The following DCHS2 variants were observed in gnomAD, a reference collection of about 807,000 sequenced individuals.
The protein encoded by DCHS2 is dachsous cadherin-related 2, also known as protocadherin-23.
Under a neutral mutation model 182.4 loss-of-function variants are expected in DCHS2, and 142 were observed. The observed-to-expected ratio is 0.78, with a 90% CI of 0.68 to 0.89. The LOEUF (loss-of-function observed/expected upper bound fraction) is 0.89. DCHS2 is among the 40% of genes least tolerant of loss of function. The pLI is 0.00. For missense variants in DCHS2, 4,319 were observed against 4,198.6 expected (o/e 1.03, Z -0.79); for synonymous variants, 1,740 against 1,663.3 (o/e 1.05, Z -1.12).
At chr4:154,414,069 T>C (rs879465934) in intron 1 of DCHS2, among the ~76,000 whole-genome samples, 1 of 152,122 alleles carries the variant, frequency 6.6e-6, no homozygotes, top group Non-Finnish European at 1.5e-5. Flanking sequence ...AAATTCCATA[T>C]GGCAGGCCTT....
chr4:154,456,656 T>C (rs188877528), intron 1 of DCHS2, among the ~76,000 whole-genome samples: 1 of 152,262 alleles, frequency 6.6e-6, no homozygotes. Context: ...AGTCATGGTG[T>C]ACTGGAAGGA....
intron 1 of DCHS2, among the ~76,000 whole-genome samples, chr4:154,480,492 A>C (rs892042496): frequency 9.2e-5 from 14 of 152,330 alleles, no homozygotes; most frequent in Admixed American, 5.2e-4. Context: ...TATTCTCATG[A>C]AAGTGAAGCT....
rs752962209 is a variant in DCHS2, at chr4:154,372,329, C to A, written c.2244+4924G>T. On this transcript the variant is annotated intron_variant, in intron 2 of 19. Transcript: ENST00000357232. The stretch of plus-strand genomic sequence containing the variant: ...ATCTATTAAAATGAAAATGAATGTG[C>A]CTTTTTACTCAGCAAGTTTACTTTT... Among the ~76,000 whole-genome samples, 5 of 152,148 alleles carry A rather than the reference C, an allele frequency of 3.3e-5. 1 individual carries two copies. Among genetic ancestry groups the A allele is most frequent in the Non-Finnish European group, 7.3e-5 (5 of 68,034 alleles).
At chr4:154,360,990 C>T (rs577621328) in intron 3 of DCHS2, among the ~76,000 whole-genome samples, 6 of 152,268 alleles carry the variant, frequency 3.9e-5, no homozygotes, top group Non-Finnish European at 7.4e-5. Context: ...ACCTAGAACA[C>T]GGCCTGCTGC....
At chr4:154,477,702 T>G (rs1159599685) in intron 1 of DCHS2, among the ~76,000 whole-genome samples, 1 of 152,242 alleles carries the variant, frequency 6.6e-6, no homozygotes, top group East Asian at 1.9e-4. Flanking sequence ...GTGAGATATT[T>G]GGGTCCCAGA....
intron 16 of DCHS2, among the ~76,000 whole-genome samples, chr4:154,248,525 A>G (rs942829328): frequency 1.3e-5 from 2 of 152,176 alleles, no homozygotes; most frequent in Non-Finnish European, 2.9e-5. Context: ...AAAAATGTAT[A>G]TATTACTTTG....
chr4:154,400,784 G>A (rs1254407289), intron 1 of DCHS2, among the ~76,000 whole-genome samples: 1 of 151,936 alleles, frequency 6.6e-6, no homozygotes, highest in Non-Finnish European at 1.5e-5. Flanking sequence ...GCACACATTC[G>A]CTCTTTTTTT....
intron 1 of DCHS2, among the ~76,000 whole-genome samples, chr4:154,482,873 C>A (rs1238177627): frequency 1.3e-5 from 2 of 152,134 alleles, no homozygotes; most frequent in African/African-American, 2.4e-5. Flanking sequence ...CAGCTACTAG[C>A]CTCTACTGAG....
In DCHS2 at chr4:154,234,579, C is replaced by G. The variant is rs746521776; in HGVS notation, c.10073G>C (p.Gly3358Ala). The change falls in exon 20 of 20, where the codon GGT becomes GCT. Residue 3358 changes from glycine (G) to alanine (A), a missense_variant. Coordinates refer to ENST00000357232, the MANE Select transcript of DCHS2 (RefSeq NM_001358235.2). ...TTCTGCTTTAAGTTCATGGCATGTA[C>G]CACTGATGTGTGTTCCTAATAATTC... ...EGELLGTHISGTCHELKAEDE... is the reference protein window; with the variant it reads ...EGELLGTHISATCHELKAEDE... The G allele has an allele frequency of 6.2e-7, 1 of 1,613,650 alleles. No individual in the cohort carries two copies. Among genetic ancestry groups the G allele is most frequent in the Non-Finnish European group, 8.5e-7 (1 of 1,179,786 alleles).
rs10020036 is a variant in DCHS2 at position 154,411,466 on chromosome 4, G to A, written c.2053-34022C>T. Among the ~76,000 whole-genome samples, 462 of 151,974 alleles carry A rather than the reference G, an allele frequency of 3.0e-3. 3 individuals carry two copies. The highest frequency in any genetic ancestry group is 0.01 in the African/African-American group (420 of 41,422). On this transcript the variant is annotated intron_variant, in intron 1 of 19. Transcript: ENST00000357232. ...ACAAAAATTAGCCAGGTGTGGTGGC[G>A]CGTGCCTGTAGTCCCAGCTACTCGG...
chr4:154,278,414 AAGG>A (rs143996754), intron 13 of DCHS2, among the ~76,000 whole-genome samples: 3,095 of 152,218 alleles, frequency 0.02, 99 homozygotes, highest in African/African-American at 0.071. Flanking sequence ...GAAAGCTCAG[AAGG>A]AGAAGAGGGA....
chr4:154,362,352 T>A (rs1034992484), intron 3 of DCHS2, among the ~76,000 whole-genome samples: 5 of 152,200 alleles, frequency 3.3e-5, no homozygotes, highest in Non-Finnish European at 5.9e-5. Flanking sequence ...TTTTGCTCCA[T>A]ATATCAATGA....
intron 1 of DCHS2, among the ~76,000 whole-genome samples, chr4:154,386,621 A>G (rs1328624913): frequency 2.0e-5 from 3 of 152,086 alleles, no homozygotes; most frequent in Admixed American, 1.3e-4. Flanking sequence ...CGGGACAACC[A>G]TTACACTGAT....
At chr4:154,245,041 T>C (rs1008676290) in intron 16 of DCHS2, among the ~76,000 whole-genome samples, 1 of 152,144 alleles carries the variant, frequency 6.6e-6, no homozygotes, top group African/African-American at 2.4e-5. Flanking sequence ...TAATGCCTTG[T>C]CAGATTAAAA....
chr4:154,332,583 C>T lies in DCHS2; in HGVS notation c.3625G>A (p.Val1209Ile), dbSNP rs771923373. The T allele has an allele frequency of 3.7e-6, 6 of 1,614,206 alleles. No homozygotes were observed. Among genetic ancestry groups the T allele is most frequent in the Non-Finnish European group, 5.1e-6 (6 of 1,180,036 alleles). The part of the protein sequence containing the change: ...KVEESPVPQG[V>I]IGKITAIDMD... ...TCAATAGCTGTAATTTTGCCTATTACCCCTTGGGGAACAGGGCTCTCTTCG... is the reference window on the plus strand; with the variant it reads ...TCAATAGCTGTAATTTTGCCTATTATCCCTTGGGGAACAGGGCTCTCTTCG... Residue 1209 changes from valine (V) to isoleucine (I), a missense_variant, in exon 5 of 20, where the codon GTA becomes ATA. Transcript: ENST00000357232.
At chr4:154,349,140 T>C (rs987218617) in intron 3 of DCHS2, among the ~76,000 whole-genome samples, 1 of 151,924 alleles carries the variant, frequency 6.6e-6, no homozygotes, top group Admixed American at 6.5e-5. Context: ...AATTCTAGAG[T>C]TGAGAAACAC....
rs142319703 is a variant in DCHS2, at chr4:154,260,414, C to T, written c.6578-658G>A. ...CCATTACTGCTGCCTTCCTTCAAGC[C>T]ACCAGCACTTCCCACCTTGTCCCCT... On this transcript the variant is annotated intron_variant, in intron 14 of 19. Transcript: ENST00000357232. Among the ~76,000 whole-genome samples the T allele has an allele frequency of 3.9e-4, 59 of 152,278 alleles. 2 individuals carry two copies. The highest frequency in any genetic ancestry group is 1.2e-3 in the African/African-American group (51 of 41,574).
chr4:154,449,231 G>A (rs1380801067), intron 1 of DCHS2, among the ~76,000 whole-genome samples: 2 of 144,768 alleles, frequency 1.4e-5, no homozygotes, highest in Admixed American at 1.4e-4. Context: ...AAAAAAAAAT[G>A]CTGTCATTGA....
At position 154,489,991 on chromosome 4, in the gene DCHS2, T is replaced by A; in HGVS notation, c.1365A>T (p.Thr455=). 6.5e-7 allele frequency: 1 copy of A among 1,549,890 alleles called. No homozygotes were observed. The change falls in exon 1 of 20, where the codon ACA becomes ACT. Residue 455 remains threonine (T), a synonymous_variant. Transcript: ENST00000357232. ...DGDWEKEDEA[T]GELGVGLGDG... is the part of the protein sequence containing the mutation. Reference sequence around the variant, plus strand: ...CTCCAAGACCCACACCAAGCTCCCCTGTGGCCTCATCTTCCTTCTCCCAGT... The same window carrying A: ...CTCCAAGACCCACACCAAGCTCCCCAGTGGCCTCATCTTCCTTCTCCCAGT...
Sources: gnomAD v4.1 joint callset for allele counts (sites outside exome capture counted in the v4.1 genomes callset) on GRCh38, gnomAD v4.1.1 for gene constraint, MANE v1.5 for transcripts, NCBI Gene and HGNC (gene_info 2026-07-23, HGNC 2026-07-21) for gene names.